Variants in ATP8A1 observed in about 807,000 individuals in gnomAD.
The protein encoded by ATP8A1 is ATPase phospholipid transporting 8A1.
In ATP8A1, 90 loss-of-function variants were observed where a neutral mutation model predicts 177.7. That is an observed-to-expected ratio of 0.51 (90% CI 0.43 to 0.60). The LOEUF is 0.60. ATP8A1 is among the 20% of genes least tolerant of loss of function. The pLI is 0.00. For missense variants in ATP8A1, 1,072 were observed against 1,392.8 expected, an observed-to-expected ratio of 0.77 and a Z score of 3.67; for synonymous variants, 493 against 485.9, an observed-to-expected ratio of 1.01 and a Z score of -0.19.
At chr4:42,497,391 G>T (rs997015786) in intron 24 of ATP8A1, among the ~76,000 whole-genome samples, 1 of 152,194 alleles carries the variant, frequency 6.6e-6, no homozygotes, top group African/African-American at 2.4e-5. Flanking sequence ...AGGGCACGAG[G>T]CATGGCGTGC....
chr4:42,450,102 G>T (rs1005338999), intron 30 of ATP8A1, among the ~76,000 whole-genome samples: 1 of 152,112 alleles, frequency 6.6e-6, no homozygotes, highest in African/African-American at 2.4e-5. Flanking sequence ...CCAAAAAGTG[G>T]AAACAATCTG....
chr4:42,495,111 T>C (rs116492088), intron 24 of ATP8A1, among the ~76,000 whole-genome samples: 1,869 of 152,338 alleles, frequency 0.012, 38 homozygotes, highest in African/African-American at 0.043. Context: ...AGGCTCCACC[T>C]CATCATCATT....
At chr4:42,610,956 G>A (rs1326043951) in intron 5 of ATP8A1, among the ~76,000 whole-genome samples, 1 of 152,144 alleles carries the variant, frequency 6.6e-6, no homozygotes, top group African/African-American at 2.4e-5. Flanking sequence ...AGGCAAGAAA[G>A]GTGTTGCTAT....
At chr4:42,644,852 A>G (rs1448480454) in intron 1 of ATP8A1, among the ~76,000 whole-genome samples, 1 of 152,228 alleles carries the variant, frequency 6.6e-6, no homozygotes, top group Non-Finnish European at 1.5e-5. Flanking sequence ...ATAATGGGAT[A>G]AATCAATAAA....
intron 33 of ATP8A1, among the ~76,000 whole-genome samples, chr4:42,424,114 G>A (rs1176535624): frequency 6.6e-6 from 1 of 151,976 alleles, no homozygotes; most frequent in South Asian, 2.1e-4. Context: ...CTTAATTTTT[G>A]TTCAATGATT....
intron 1 of ATP8A1, among the ~76,000 whole-genome samples, chr4:42,638,326 T>C (rs1182191234): frequency 6.6e-6 from 1 of 152,198 alleles, no homozygotes; most frequent in Non-Finnish European, 1.5e-5. Context: ...GGAAAAAAAG[T>C]AATGGCTTAA....
At chr4:42,592,410 A>G (rs1173295175) in intron 6 of ATP8A1, among the ~76,000 whole-genome samples, 1 of 152,134 alleles carries the variant, frequency 6.6e-6, no homozygotes, top group Non-Finnish European at 1.5e-5. Context: ...AAAGATTTTG[A>G]AAATTTCCAA....
chr4:42,480,498 G>C (rs17630652), intron 25 of ATP8A1, among the ~76,000 whole-genome samples: 23,377 of 152,124 alleles, frequency 0.15, 2,217 homozygotes, highest in South Asian at 0.24. Context: ...ATCCAATGGT[G>C]TTCACAAATT....
chr4:42,561,692 A>G (rs1455523337), intron 15 of ATP8A1: 1 of 152,286 alleles, frequency 6.6e-6, no homozygotes, highest in Non-Finnish European at 1.5e-5. Flanking sequence ...AGGGAGCACC[A>G]CCAGCTCATC....
At chr4:42,646,523 C>T (rs1190702324) in intron 1 of ATP8A1, among the ~76,000 whole-genome samples, 1 of 152,190 alleles carries the variant, frequency 6.6e-6, no homozygotes, top group Non-Finnish European at 1.5e-5. Flanking sequence ...GGACCTAGGT[C>T]AATTACAGAA....
chr4:42,601,463 G>A (rs949067574), intron 5 of ATP8A1, among the ~76,000 whole-genome samples: 1 of 151,672 alleles, frequency 6.6e-6, no homozygotes, highest in African/African-American at 2.4e-5. Context: ...CACATCAGTA[G>A]GGTTATCCAG....
chr4:42,546,252 TAAA>T (rs1728906488), intron 19 of ATP8A1, among the ~76,000 whole-genome samples: 1 of 151,802 alleles, frequency 6.6e-6, no homozygotes, highest in Non-Finnish European at 1.5e-5. Context: ...CCCGCAGCCA[TAAA>T]AAATGATGAG....
At chr4:42,591,894 T>G (rs1300623318) in intron 6 of ATP8A1, among the ~76,000 whole-genome samples, 1 of 152,172 alleles carries the variant, frequency 6.6e-6, no homozygotes, top group Admixed American at 6.6e-5. Flanking sequence ...GGTTGCTCAC[T>G]TGCGGGTAAA....
intron 18 of ATP8A1, 44 bp downstream of exon 18, chr4:42,551,154 T>G: frequency 6.8e-7 from 1 of 1,471,882 alleles, no homozygotes; most frequent in South Asian, 1.1e-5. Flanking sequence ...GCTATGCAAA[T>G]GTATTACTTG....
intron 24 of ATP8A1, among the ~76,000 whole-genome samples, chr4:42,487,552 C>A (rs1348629855): frequency 6.6e-6 from 1 of 151,566 alleles, no homozygotes; most frequent in Non-Finnish European, 1.5e-5. Context: ...ATAAAATATA[C>A]CTACAATAAA....
chr4:42,455,353 A>C lies in ATP8A1; in HGVS notation c.2761T>G (p.Leu921Val), dbSNP rs1718364740. The change falls in exon 29 of 37, where the codon TTG becomes GTG. Residue 921 changes from leucine (L) to valine (V), a missense_variant. Physicochemically the swap from Leu to Val is conservative, Grantham distance 32. Transcript: ENST00000381668. ...FERSCRKENM[L>V]KYPELYKTSQ... Reference sequence around the variant, plus strand: ...GTTTTGTATAATTCAGGGTACTTCAACATGTTCTCTTTTCTGCATGATCTC... The same window carrying C: ...GTTTTGTATAATTCAGGGTACTTCACCATGTTCTCTTTTCTGCATGATCTC... The C allele has an allele frequency of 1.2e-6, 2 of 1,613,958 alleles. No homozygotes were observed. Among genetic ancestry groups the C allele is most frequent in the East Asian group, 4.5e-5 (2 of 44,886 alleles).
intron 4 of ATP8A1, among the ~76,000 whole-genome samples, chr4:42,622,973 C>T (rs1737644761): frequency 1.3e-5 from 2 of 148,928 alleles, no homozygotes; most frequent in African/African-American, 5.0e-5. Flanking sequence ...CGCACCACTG[C>T]ACTCCAGCCT....
chr4:42,458,283 C>T (rs1304581486), intron 27 of ATP8A1, among the ~76,000 whole-genome samples: 3 of 152,118 alleles, frequency 2.0e-5, no homozygotes, highest in Non-Finnish European at 4.4e-5. Flanking sequence ...ACCGGTCCCT[C>T]TGGGGAGGTG....
chr4:42,473,888 A>G (rs1404805834), intron 25 of ATP8A1, among the ~76,000 whole-genome samples: 1 of 149,938 alleles, frequency 6.7e-6, no homozygotes, highest in Non-Finnish European at 1.5e-5. Flanking sequence ...TCCTGGCCTC[A>G]AGCAATCCTT....
Sources: allele counts gnomAD v4.1 joint callset (sites outside exome capture counted in the v4.1 genomes callset), GRCh38; gene constraint gnomAD v4.1.1; transcripts MANE v1.5; gene names NCBI Gene and HGNC (gene_info 2026-07-23, HGNC 2026-07-21).